LIN9: variants seen among roughly 807,000 people sequenced by gnomAD.
The protein encoded by LIN9 is lin-9 DREAM MuvB core complex component.
Under a neutral mutation model 78.0 loss-of-function variants are expected in LIN9, and 18 were observed. The observed-to-expected ratio is 0.23, with a 90% CI of 0.16 to 0.34. The LOEUF (loss-of-function observed/expected upper bound fraction) is 0.34. Ranked by LOEUF, LIN9 falls within the 10% of genes least tolerant of loss-of-function variation. The pLI is 1.00. For synonymous variants in LIN9, 192 were observed against 215.2 expected (o/e 0.89, Z 0.94); for missense variants, 451 against 644.1 (o/e 0.70, Z 3.25).
intron 12 of LIN9, among the ~76,000 whole-genome samples, chr1:226,238,754 A>G (rs1657907371): frequency 6.6e-6 from 1 of 152,150 alleles, no homozygotes; most frequent in Non-Finnish European, 1.5e-5. Context: ...GGAGGGCCTT[A>G]TTTGTATCTT....
At chr1:226,291,537 A>T (rs1661792305) in intron 4 of LIN9, among the ~76,000 whole-genome samples, 1 of 152,114 alleles carries the variant, frequency 6.6e-6, no homozygotes, top group South Asian at 2.1e-4. Context: ...TCATAAGGAT[A>T]ATCAAACTAA....
At chr1:226,285,616 A>G (rs1661341933) in intron 6 of LIN9, among the ~76,000 whole-genome samples, 1 of 152,160 alleles carries the variant, frequency 6.6e-6, no homozygotes, top group African/African-American at 2.4e-5. Flanking sequence ...TTTCACTCAA[A>G]AGTAATATAA....
In LIN9 at chr1:226,272,538, CCTTT is replaced by C. The variant is rs1383158187; in HGVS notation, c.683-4452_683-4449del. 3.2e-4 allele frequency among the ~76,000 whole-genome samples: 44 copies of C among 137,144 alleles called. 1 individual carries two copies. The highest frequency in any genetic ancestry group is 1.1e-3 in the African/African-American group (41 of 38,442). The allele number at this position is 137,144 out of a possible 152,430, so 90.0% of individuals were successfully genotyped here. On this transcript the variant is annotated intron_variant, in intron 7 of 14. Transcript: ENST00000681046. ...TACAGGTGCCCACTACCATGCTTGA[CCTTT>C]TTTTTTTTTTTTTTTTTAATGTTTG...
At chr1:226,300,079 T>C (rs1288149137) in intron 2 of LIN9, among the ~76,000 whole-genome samples, 2 of 151,920 alleles carry the variant, frequency 1.3e-5, no homozygotes, top group Non-Finnish European at 2.9e-5. Flanking sequence ...GCTGGGATTA[T>C]AGGCACCTGC....
chr1:226,290,817 C>A (rs1661735576), intron 4 of LIN9, among the ~76,000 whole-genome samples: 1 of 152,004 alleles, frequency 6.6e-6, no homozygotes, highest in South Asian at 2.1e-4. Context: ...AGCATACTGA[C>A]ACGATCGCGG....
chr1:226,284,518 G>A (rs566496604), intron 6 of LIN9, among the ~76,000 whole-genome samples: 2 of 152,268 alleles, frequency 1.3e-5, no homozygotes, highest in South Asian at 4.1e-4. Flanking sequence ...GAGGTCAGGA[G>A]TTCAAAACCA....
At chr1:226,258,272 A>C (rs1012429574) in intron 10 of LIN9, among the ~76,000 whole-genome samples, 1 of 151,218 alleles carries the variant, frequency 6.6e-6, no homozygotes, top group Non-Finnish European at 1.5e-5. Flanking sequence ...AGGCTGAGGC[A>C]GGCAGATTTC....
chr1:226,284,078 T>C (rs950083334), intron 6 of LIN9, among the ~76,000 whole-genome samples: 7 of 152,248 alleles, frequency 4.6e-5, no homozygotes, highest in Admixed American at 2.6e-4. Context: ...AAATATTTCC[T>C]AGTTGTAAGG....
At chr1:226,267,310 T>TATGTATGTATGTATGTATG (rs1553278726) in intron 8 of LIN9, among the ~76,000 whole-genome samples, 7 of 33,612 alleles carry the variant, frequency 2.1e-4, no homozygotes, top group Non-Finnish European at 4.4e-4. Flanking sequence ...TGTATATATA[T>TATGTATGTATGTATGTATG]TATGTATATA....
intron 11 of LIN9, among the ~76,000 whole-genome samples, chr1:226,249,677 A>C (rs1658707358): frequency 6.6e-6 from 1 of 152,158 alleles, no homozygotes; most frequent in Admixed American, 6.5e-5. Flanking sequence ...ACAGACACTG[A>C]TCATCAGTCA....
chr1:226,282,737 C>T (rs927147486), intron 6 of LIN9, among the ~76,000 whole-genome samples: 13 of 152,208 alleles, frequency 8.5e-5, no homozygotes, highest in African/African-American at 3.1e-4. Context: ...AGGAGAATCA[C>T]TTGAACCTGG....
chr1:226,299,191 C>T (rs1662356548), intron 2 of LIN9, among the ~76,000 whole-genome samples: 1 of 151,968 alleles, frequency 6.6e-6, no homozygotes, highest in African/African-American at 2.4e-5. Flanking sequence ...ATGTACGTTA[C>T]TTATATAAAT....
At chr1:226,298,405 T>C (rs1183026655) in intron 2 of LIN9, among the ~76,000 whole-genome samples, 1 of 152,074 alleles carries the variant, frequency 6.6e-6, no homozygotes, top group African/African-American at 2.4e-5. Flanking sequence ...ACAGGGTTTC[T>C]CCATGTTGGC....
chr1:226,309,309 C>G (rs753545754), upstream of LIN9: 68 of 1,027,664 alleles, frequency 6.6e-5, 1 homozygote, highest in African/African-American at 1.0e-3. Flanking sequence ...CGCGCCTGCC[C>G]GGGGAGGAGG....
rs71574569 is a variant in LIN9, at chr1:226,283,278, A to ATTTTT, written c.524+3050_524+3054dup. The stretch of plus-strand genomic sequence containing the variant: ...AGTAGCATGCCTGGGTAATTTTTGA[A>ATTTTT]TTTTTTTTTTTTTTTTTTTTTTTTT... On this transcript the variant is annotated intron_variant, in intron 6 of 14. Coordinates refer to ENST00000681046, the MANE Select transcript of LIN9 (RefSeq NM_001366245.2). Among the ~76,000 whole-genome samples the ATTTTT allele has an allele frequency of 3.7e-4, 31 of 84,210 alleles. 2 individuals carry two copies. The highest frequency in any genetic ancestry group is 1.1e-3 in the African/African-American group (21 of 19,636). 55.2% of individuals were successfully genotyped at this position (84,210 alleles called of 152,430 possible). A position where few individuals can be genotyped will look rare whatever the true frequency, so the allele number is the denominator to read the frequency against.
chr1:226,291,880 T>C (rs1661816202), intron 4 of LIN9, among the ~76,000 whole-genome samples: 1 of 152,008 alleles, frequency 6.6e-6, no homozygotes, highest in Non-Finnish European at 1.5e-5. Context: ...AATAACTTTG[T>C]TTTTCTTTGT....
At chr1:226,251,035 CAT>C in intron 10 of LIN9, 116 bp from the exon 11 acceptor site, 47 of 573,226 alleles carry the variant, frequency 8.2e-5, no homozygotes, top group Middle Eastern at 4.6e-4. Context: ...AGTGTTTCAA[CAT>C]ATATATATAG....
intron 4 of LIN9, among the ~76,000 whole-genome samples, chr1:226,290,540 C>G (rs1661703328): frequency 6.6e-6 from 1 of 151,830 alleles, no homozygotes; most frequent in South Asian, 2.1e-4. Context: ...CGGGGTTTCA[C>G]CGTGTTAGCC....
chr1:226,309,061 G>A (rs1281146822), intron 1 of LIN9, 48 bp downstream of exon 1: 7 of 1,305,580 alleles, frequency 5.4e-6, no homozygotes, highest in African/African-American at 1.5e-5. Context: ...CAACCGCTGG[G>A]CAAGCAGCAG....
Sources: allele counts gnomAD v4.1 joint callset (sites outside exome capture counted in the v4.1 genomes callset), GRCh38; gene constraint gnomAD v4.1.1; transcripts MANE v1.5; gene names NCBI Gene and HGNC (gene_info 2026-07-23, HGNC 2026-07-21).